Variants in CNTNAP2 observed in about 807,000 individuals in gnomAD.
CNTNAP2 encodes the protein contactin associated protein 2.
A neutral mutation model predicts 155.2 loss-of-function variants in CNTNAP2; 98 were observed. That is an observed-to-expected ratio of 0.63 (90% CI 0.54 to 0.75). CNTNAP2 has a LOEUF of 0.75. Among genes scored for constraint, CNTNAP2 ranks in the 30% least tolerant of loss-of-function variants. CNTNAP2 has a pLI of 0.00. For missense variants in CNTNAP2, 1,727 were observed against 1,688.1 expected, an observed-to-expected ratio of 1.02 and a Z score of -0.40; for synonymous variants, 651 against 631.2, an observed-to-expected ratio of 1.03 and a Z score of -0.47.
intron 13 of CNTNAP2, among the ~76,000 whole-genome samples, chr7:147,709,294 C>A (rs1333788641): frequency 6.6e-6 from 1 of 152,180 alleles, no homozygotes; most frequent in Non-Finnish European, 1.5e-5. Context: ...GCACTGAGAT[C>A]TGTCAGCTTC....
At chr7:148,288,310 A>G (rs960704832) in intron 21 of CNTNAP2, among the ~76,000 whole-genome samples, 13 of 151,302 alleles carry the variant, frequency 8.6e-5, no homozygotes, top group Non-Finnish European at 8.8e-5. Context: ...TATGTTGGCC[A>G]AGCTGGTCTC....
intron 10 of CNTNAP2, among the ~76,000 whole-genome samples, chr7:147,412,290 G>C (rs1797116477): frequency 6.6e-6 from 1 of 152,166 alleles, no homozygotes; most frequent in Non-Finnish European, 1.5e-5. Context: ...CCTGTGCTCA[G>C]TGCCTCAGAT....
chr7:146,371,523 C>T (rs952347958), intron 1 of CNTNAP2, among the ~76,000 whole-genome samples: 6 of 151,896 alleles, frequency 4.0e-5, no homozygotes, highest in Non-Finnish European at 8.8e-5. Context: ...TACCCGCCAC[C>T]GCGCCAGCTA....
intron 13 of CNTNAP2, among the ~76,000 whole-genome samples, chr7:147,708,933 A>AT (rs1435030228): frequency 1.3e-5 from 2 of 152,064 alleles, no homozygotes; most frequent in East Asian, 3.9e-4. Flanking sequence ...TTAATACATG[A>AT]TTTTTTCTAC....
chr7:147,435,200 A>G (rs2116536528), intron 10 of CNTNAP2, among the ~76,000 whole-genome samples: 1 of 152,286 alleles, frequency 6.6e-6, no homozygotes, highest in Non-Finnish European at 1.5e-5. Context: ...AGTCCCTATA[A>G]GTTTTGTCAC....
At chr7:146,763,881 G>A (rs1463933852) in intron 1 of CNTNAP2, among the ~76,000 whole-genome samples, 2 of 152,052 alleles carry the variant, frequency 1.3e-5, no homozygotes, top group African/African-American at 2.4e-5. Flanking sequence ...GCTCTATAGC[G>A]CTCCATTTTT....
intron 20 of CNTNAP2, among the ~76,000 whole-genome samples, chr7:148,245,785 G>GTA (rs1303768630): frequency 2.0e-5 from 3 of 151,782 alleles, no homozygotes; most frequent in Non-Finnish European, 4.4e-5. Context: ...ATGCACATGG[G>GTA]TACACACACA....
At chr7:146,654,026 A>T (rs2129164409) in intron 1 of CNTNAP2, among the ~76,000 whole-genome samples, 1 of 152,266 alleles carries the variant, frequency 6.6e-6, no homozygotes, top group East Asian at 1.9e-4. Flanking sequence ...TATTAAAAAA[A>T]AATCCTTTAC....
At chr7:147,278,475 A>G (rs1804953483) in intron 8 of CNTNAP2, among the ~76,000 whole-genome samples, 1 of 151,756 alleles carries the variant, frequency 6.6e-6, no homozygotes, top group Non-Finnish European at 1.5e-5. Flanking sequence ...TCATGGAAGT[A>G]TAGTTGGGGA....
chr7:147,808,991 G>A (rs1798137992), intron 13 of CNTNAP2, among the ~76,000 whole-genome samples: 1 of 152,074 alleles, frequency 6.6e-6, no homozygotes, highest in African/African-American at 2.4e-5. Flanking sequence ...GAGTTGTCAG[G>A]GATCTGGGAA....
chr7:146,321,542 T>C (rs1182732591), intron 1 of CNTNAP2, among the ~76,000 whole-genome samples: 1 of 152,156 alleles, frequency 6.6e-6, no homozygotes, highest in Non-Finnish European at 1.5e-5. Flanking sequence ...CACTACCTCC[T>C]AACAGACCCC....
chr7:147,257,029 G>T (rs991315100), intron 8 of CNTNAP2, among the ~76,000 whole-genome samples: 3 of 152,120 alleles, frequency 2.0e-5, no homozygotes, highest in Non-Finnish European at 4.4e-5. Context: ...CTAAGTGAGA[G>T]AATTTTATGA....
At chr7:146,595,823 A>C (rs1798851084) in intron 1 of CNTNAP2, among the ~76,000 whole-genome samples, 1 of 152,086 alleles carries the variant, frequency 6.6e-6, no homozygotes, top group Admixed American at 6.6e-5. Flanking sequence ...CTAGGGCTCG[A>C]ACCTGGTTTT....
At chr7:146,751,236 C>A (rs765396366) in intron 1 of CNTNAP2, among the ~76,000 whole-genome samples, 2 of 152,050 alleles carry the variant, frequency 1.3e-5, no homozygotes, top group Non-Finnish European at 2.9e-5. Context: ...CAAATTTGAG[C>A]ATACACATTT....
chr7:147,764,275 G>A (rs1307376577), intron 13 of CNTNAP2, among the ~76,000 whole-genome samples: 1 of 151,990 alleles, frequency 6.6e-6, no homozygotes, highest in East Asian at 1.9e-4. Flanking sequence ...CTCCTCAGTG[G>A]CCCTTTTATT....
At chr7:148,138,164 G>A (rs1804996965) in intron 16 of CNTNAP2, among the ~76,000 whole-genome samples, 1 of 152,198 alleles carries the variant, frequency 6.6e-6, no homozygotes, top group Non-Finnish European at 1.5e-5. Flanking sequence ...TCACTAGCAA[G>A]CATGCTCCTT....
At chr7:146,381,019 C>G (rs926224358) in intron 1 of CNTNAP2, among the ~76,000 whole-genome samples, 71 of 151,522 alleles carry the variant, frequency 4.7e-4, no homozygotes, top group South Asian at 2.3e-3. Context: ...AGGATGGTCT[C>G]GATCTCCTGA....
intron 10 of CNTNAP2, among the ~76,000 whole-genome samples, chr7:147,439,292 T>C (rs1215256996): frequency 6.6e-6 from 1 of 152,032 alleles, no homozygotes; most frequent in Non-Finnish European, 1.5e-5. Flanking sequence ...TGTGTTTCCA[T>C]CATCATTTGC....
intron 13 of CNTNAP2, among the ~76,000 whole-genome samples, chr7:147,879,548 T>C (rs541424281): frequency 9.2e-5 from 14 of 152,214 alleles, no homozygotes; most frequent in Admixed American, 3.3e-4. Context: ...AATTCAGCAA[T>C]CTAGTTGTGC....
Sources: allele counts gnomAD v4.1 joint callset (sites outside exome capture counted in the v4.1 genomes callset), GRCh38; gene constraint gnomAD v4.1.1; transcripts MANE v1.5; gene names NCBI Gene and HGNC (gene_info 2026-07-23, HGNC 2026-07-21).